The following ENPP6 variants were observed in gnomAD, a reference collection of about 807,000 sequenced individuals.
ENPP6 encodes glycerophosphocholine cholinephosphodiesterase ENPP6.
ENPP6 carries 32 observed loss-of-function variants against 42.0 expected under a neutral mutation model. That is an observed-to-expected ratio of 0.76 (90% CI 0.58 to 1.02). The LOEUF (loss-of-function observed/expected upper bound fraction) is 1.02. Among genes scored for constraint, ENPP6 ranks in the 50% least tolerant of loss-of-function variants. ENPP6 has a pLI of 0.00. For synonymous variants in ENPP6, 213 were observed against 216.0 expected, an observed-to-expected ratio of 0.99 and a Z score of 0.12; for missense variants, 552 against 566.8, an observed-to-expected ratio of 0.97 and a Z score of 0.27.
chr4:184,113,448 C>T (rs1026302081), intron 5 of ENPP6, among the ~76,000 whole-genome samples: 2 of 152,120 alleles, frequency 1.3e-5, no homozygotes, highest in African/African-American at 4.8e-5. Flanking sequence ...TACAGCTGTC[C>T]CAGGTAACGG....
At chr4:184,109,847 C>CGT (rs57313031) in intron 6 of ENPP6, among the ~76,000 whole-genome samples, 2,193 of 151,098 alleles carry the variant, frequency 0.015, 40 homozygotes, top group African/African-American at 0.043. Flanking sequence ...TTCAGACAAA[C>CGT]GTGTGTGTGT....
chr4:184,097,917 G>A (rs573041245), intron 6 of ENPP6, among the ~76,000 whole-genome samples: 16 of 145,336 alleles, frequency 1.1e-4, no homozygotes, highest in Non-Finnish European at 2.0e-4. Context: ...AGGAGCTGGA[G>A]ACTTGAGTCC....
intron 2 of ENPP6, among the ~76,000 whole-genome samples, chr4:184,147,725 C>A (rs912742688): frequency 5.9e-5 from 9 of 151,264 alleles, no homozygotes; most frequent in African/African-American, 1.7e-4. Flanking sequence ...CCTTTGAGCC[C>A]AGGAGGTCGA....
intron 7 of ENPP6, 90 bp from the exon 8 acceptor site, chr4:184,091,472 G>T: frequency 8.1e-7 from 1 of 1,234,582 alleles, no homozygotes; most frequent in Non-Finnish European, 1.1e-6. Context: ...CATTCAGGCT[G>T]CAGGTGACAT....
At chr4:184,131,899 C>T (rs1295064490) in intron 2 of ENPP6, among the ~76,000 whole-genome samples, 2 of 151,970 alleles carry the variant, frequency 1.3e-5, no homozygotes, top group African/African-American at 4.8e-5. Context: ...GTCCCACCAT[C>T]CGCCATCCAC....
chr4:184,215,267 G>A (rs766197129), intron 1 of ENPP6, among the ~76,000 whole-genome samples: 3 of 152,168 alleles, frequency 2.0e-5, no homozygotes, highest in Non-Finnish European at 2.9e-5. Flanking sequence ...TGAATGCTGA[G>A]GAACCCTAAA....
chr4:184,171,525 T>TA (rs745443296), intron 1 of ENPP6, among the ~76,000 whole-genome samples: 11 of 152,226 alleles, frequency 7.2e-5, no homozygotes, highest in Non-Finnish European at 1.5e-4. Flanking sequence ...TGGGATTTGT[T>TA]ACGGCAGCTT....
chr4:184,146,948 C>T (rs1348178510), intron 2 of ENPP6, among the ~76,000 whole-genome samples: 1 of 152,148 alleles, frequency 6.6e-6, no homozygotes, highest in Non-Finnish European at 1.5e-5. Flanking sequence ...TCTGCACTCT[C>T]CCTGGGTAAA....
chr4:184,116,751 C>T, intron 5 of ENPP6, 105 bp downstream of exon 5: 1 of 1,446,474 alleles, frequency 6.9e-7, no homozygotes, highest in East Asian at 2.3e-5. Flanking sequence ...GAAACAAACA[C>T]ACACACACAA....
intron 6 of ENPP6, among the ~76,000 whole-genome samples, chr4:184,099,082 G>T (rs1735957899): frequency 1.3e-5 from 2 of 152,160 alleles, no homozygotes; most frequent in Admixed American, 6.5e-5. Flanking sequence ...TAGTTGAAGG[G>T]ACTAAGGCTC....
intron 1 of ENPP6, among the ~76,000 whole-genome samples, chr4:184,189,399 C>T (rs893957722): frequency 6.6e-6 from 1 of 152,222 alleles, no homozygotes; most frequent in Non-Finnish European, 1.5e-5. Flanking sequence ...AGGCCACTTT[C>T]CCTCTTTTTA....
intron 2 of ENPP6, among the ~76,000 whole-genome samples, chr4:184,132,135 C>T (rs1242529301): frequency 6.6e-6 from 1 of 152,148 alleles, no homozygotes; most frequent in Non-Finnish European, 1.5e-5. Flanking sequence ...AAATACATTA[C>T]TGAGTCCACT....
chr4:184,217,114 A>C (rs1005869655), intron 1 of ENPP6: 2 of 154,562 alleles, frequency 1.3e-5, no homozygotes, highest in Non-Finnish European at 2.9e-5. Context: ...CTCCCCTCTG[A>C]GGACCCCACA....
chr4:184,124,114 C>A, intron 3 of ENPP6, 47 bp downstream of exon 3: 1 of 1,456,808 alleles, frequency 6.9e-7, no homozygotes, highest in Non-Finnish European at 9.6e-7. Flanking sequence ...ATGATCAGTC[C>A]TGGAAACAAG....
intron 2 of ENPP6, among the ~76,000 whole-genome samples, chr4:184,141,109 A>G (rs1449830701): frequency 1.3e-5 from 2 of 152,188 alleles, no homozygotes; most frequent in African/African-American, 4.8e-5. Context: ...AAAAGAAGAC[A>G]TTTAACCGAG....
intron 1 of ENPP6, among the ~76,000 whole-genome samples, chr4:184,211,508 G>A (rs963403040): frequency 4.6e-5 from 7 of 152,134 alleles, no homozygotes; most frequent in African/African-American, 9.7e-5. Context: ...TACATTCCTC[G>A]ACACATACAC....
At chr4:184,149,271 TA>T (rs1385641609) in intron 2 of ENPP6, among the ~76,000 whole-genome samples, 1 of 152,218 alleles carries the variant, frequency 6.6e-6, no homozygotes, top group Non-Finnish European at 1.5e-5. Flanking sequence ...CCTCTGCTTC[TA>T]AGGTCAGCCT....
chr4:184,106,709 G>A (rs1736103538), intron 6 of ENPP6, among the ~76,000 whole-genome samples: 2 of 152,068 alleles, frequency 1.3e-5, no homozygotes, highest in African/African-American at 4.8e-5. Context: ...TCTTACCATG[G>A]CGACTTATTT....
chr4:184,128,518 G>A lies in ENPP6; in HGVS notation c.422-4246C>T, dbSNP rs375388467. On this transcript the variant is annotated intron_variant, in intron 2 of 7. Transcript: ENST00000296741. ...TTTAAAGAATGTCAAGATGATGTAA[G>A]AAATAAAATCCAACTTTATTTACAA... Among the ~76,000 whole-genome samples, 243 of 149,796 alleles carry A rather than the reference G, an allele frequency of 1.6e-3. 2 individuals carry two copies. The highest frequency in any genetic ancestry group is 5.7e-3 in the African/African-American group (234 of 40,742).
Sources: allele counts gnomAD v4.1 joint callset (sites outside exome capture counted in the v4.1 genomes callset), GRCh38; gene constraint gnomAD v4.1.1; transcripts MANE v1.5; gene names NCBI Gene and HGNC (gene_info 2026-07-23, HGNC 2026-07-21).